Variants in NCAM2 observed in about 807,000 individuals in gnomAD.
NCAM2 encodes the protein neural cell adhesion molecule 2, also known as N-CAM-2.
In NCAM2, 30 loss-of-function variants were observed where a neutral mutation model predicts 98.1. The ratio of observed to expected loss-of-function variants is 0.31; its 90% CI spans 0.23 to 0.41. NCAM2 has a LOEUF of 0.41. Ranked by LOEUF, NCAM2 falls within the 10% of genes least tolerant of loss-of-function variation. The pLI is 1.00. For synonymous variants in NCAM2, 368 were observed against 342.4 expected, an observed-to-expected ratio of 1.07 and a Z score of -0.83; for missense variants, 867 against 1,005.8, an observed-to-expected ratio of 0.86 and a Z score of 1.87.
chr21:21,081,057 T>G (rs773861445), intron 1 of NCAM2, among the ~76,000 whole-genome samples: 2 of 152,148 alleles, frequency 1.3e-5, no homozygotes, highest in Non-Finnish European at 2.9e-5. Flanking sequence ...GATCTTGCGT[T>G]ACTTCACCCT....
chr21:21,203,534 A>G (rs985460517), intron 1 of NCAM2, among the ~76,000 whole-genome samples: 2 of 152,310 alleles, frequency 1.3e-5, no homozygotes, highest in African/African-American at 4.8e-5. Context: ...CTGCTTATAC[A>G]ATTGTCCAGT....
At chr21:21,515,514 A>G (rs1275589599) in intron 16 of NCAM2, among the ~76,000 whole-genome samples, 2 of 152,166 alleles carry the variant, frequency 1.3e-5, no homozygotes, top group Non-Finnish European at 1.5e-5. Context: ...AATTATTTTT[A>G]TTTTTTGTTA....
chr21:21,197,742 C>T (rs1404334025), intron 1 of NCAM2, among the ~76,000 whole-genome samples: 3 of 152,044 alleles, frequency 2.0e-5, no homozygotes, highest in East Asian at 3.9e-4. Flanking sequence ...CTATGGCCAA[C>T]GAGTTGAGAA....
In NCAM2 at chr21:21,184,581, G is replaced by A. The variant is rs537496624; in HGVS notation, c.56-95997G>A. Among the ~76,000 whole-genome samples the A allele has an allele frequency of 9.9e-5, 15 of 152,196 alleles. No homozygotes were observed. The South Asian group carries it at 2.9e-3, about 29-fold the overall frequency. ...TTGTTAAGCTCTCCAGGTGATTCCA[G>A]TGCACAACCATTGTTAATAATAACT... On this transcript the variant is annotated intron_variant, in intron 1 of 17. Coordinates refer to ENST00000400546, the MANE Select transcript of NCAM2 (RefSeq NM_004540.5).
intron 5 of NCAM2, among the ~76,000 whole-genome samples, chr21:21,310,114 T>G (rs2073998750): frequency 1.3e-5 from 2 of 152,356 alleles, no homozygotes; most frequent in East Asian, 3.9e-4. Flanking sequence ...TCTCTCATTC[T>G]GTACTAAACT....
At chr21:21,360,453 C>T (rs557956683) in intron 8 of NCAM2, among the ~76,000 whole-genome samples, 2 of 152,032 alleles carry the variant, frequency 1.3e-5, no homozygotes, top group South Asian at 4.1e-4. Context: ...CTATCTAAGT[C>T]TTTCTTTCTC....
chr21:21,444,285 T>C (rs1449538071), intron 12 of NCAM2, among the ~76,000 whole-genome samples: 1 of 152,198 alleles, frequency 6.6e-6, no homozygotes, highest in Non-Finnish European at 1.5e-5. Context: ...GATATTGGCG[T>C]GAAGCTTTCT....
intron 1 of NCAM2, among the ~76,000 whole-genome samples, chr21:21,123,124 G>A (rs2066709717): frequency 6.7e-6 from 1 of 149,264 alleles, no homozygotes; most frequent in Admixed American, 6.8e-5. Flanking sequence ...CTGGGCAGGG[G>A]GTGCTCATGC....
chr21:21,536,681 C>T (rs529320685), intron 17 of NCAM2, among the ~76,000 whole-genome samples: 5 of 152,158 alleles, frequency 3.3e-5, no homozygotes, highest in Non-Finnish European at 5.9e-5. Context: ...TGAGCCACTG[C>T]GCCTGGCCTG....
At chr21:21,504,026 A>T (rs1987808967) in intron 15 of NCAM2, among the ~76,000 whole-genome samples, 1 of 151,902 alleles carries the variant, frequency 6.6e-6, no homozygotes, top group Admixed American at 6.6e-5. Context: ...CCTCCAAATA[A>T]TATTAAAGGT....
At chr21:21,421,964 C>CG (rs2077119821) in intron 11 of NCAM2, among the ~76,000 whole-genome samples, 2 of 151,910 alleles carry the variant, frequency 1.3e-5, no homozygotes, top group South Asian at 4.1e-4. Flanking sequence ...TGCATTTTCC[C>CG]TTTTTAATAA....
At chr21:21,329,923 T>C (rs1487597020) in intron 6 of NCAM2, among the ~76,000 whole-genome samples, 1 of 152,112 alleles carries the variant, frequency 6.6e-6, no homozygotes, top group Admixed American at 6.6e-5. Context: ...TTTTAAATGG[T>C]ATTTACTGGC....
intron 8 of NCAM2, among the ~76,000 whole-genome samples, chr21:21,339,591 T>C (rs2074969325): frequency 6.6e-6 from 1 of 151,948 alleles, no homozygotes. Flanking sequence ...ACTTTTTTCA[T>C]TATTAACTTT....
At chr21:21,362,420 G>A (rs2075669517) in intron 8 of NCAM2, among the ~76,000 whole-genome samples, 1 of 151,216 alleles carries the variant, frequency 6.6e-6, no homozygotes, top group Non-Finnish European at 1.5e-5. Flanking sequence ...CCTGAAACAG[G>A]GTCTTGCTCT....
intron 5 of NCAM2, among the ~76,000 whole-genome samples, chr21:21,319,838 C>T (rs2074328422): frequency 3.3e-5 from 5 of 152,040 alleles, no homozygotes; most frequent in South Asian, 2.1e-4. Context: ...TGCAACAAAG[C>T]ATCAGTTAAC....
At chr21:21,474,425 A>C (rs1472547655) in intron 14 of NCAM2, among the ~76,000 whole-genome samples, 1 of 152,106 alleles carries the variant, frequency 6.6e-6, no homozygotes, top group Non-Finnish European at 1.5e-5. Flanking sequence ...TTTCACCTTA[A>C]ATGTCTAATT....
chr21:21,341,778 G>A (rs2075045747), intron 8 of NCAM2, among the ~76,000 whole-genome samples: 1 of 149,092 alleles, frequency 6.7e-6, no homozygotes, highest in Non-Finnish European at 1.5e-5. Flanking sequence ...AATACCATGT[G>A]ACTTAAATGT....
At chr21:21,378,534 T>C (rs901504249) in intron 9 of NCAM2, among the ~76,000 whole-genome samples, 4 of 152,238 alleles carry the variant, frequency 2.6e-5, no homozygotes, top group Non-Finnish European at 5.9e-5. Flanking sequence ...TTTCTTGATA[T>C]TGATTTGCTT....
At chr21:21,322,437 G>A (rs1013208326) in intron 5 of NCAM2, among the ~76,000 whole-genome samples, 2 of 151,956 alleles carry the variant, frequency 1.3e-5, no homozygotes, top group African/African-American at 2.4e-5. Context: ...CTGTCCATAT[G>A]TCCCCTGAAT....
Sources: allele counts gnomAD v4.1 joint callset (sites outside exome capture counted in the v4.1 genomes callset), GRCh38; gene constraint gnomAD v4.1.1; transcripts MANE v1.5; gene names NCBI Gene and HGNC (gene_info 2026-07-23, HGNC 2026-07-21).